The following CNTN5 variants were observed in gnomAD, a reference collection of about 807,000 sequenced individuals.
CNTN5 encodes contactin 5, also known as contactin-5.
In CNTN5, 77 loss-of-function variants were observed where a neutral mutation model predicts 129.1. That is an observed-to-expected ratio of 0.60 (90% CI 0.50 to 0.72). The LOEUF is 0.72. Among genes scored for constraint, CNTN5 ranks in the 30% least tolerant of loss-of-function variants. The pLI is 0.00. For missense variants in CNTN5, 1,478 were observed against 1,328.8 expected, an observed-to-expected ratio of 1.11 and a Z score of -1.75; for synonymous variants, 509 against 465.6, an observed-to-expected ratio of 1.09 and a Z score of -1.20.
intron 2 of CNTN5, among the ~76,000 whole-genome samples, chr11:99,507,498 G>T (rs1371291224): frequency 6.6e-6 from 1 of 150,934 alleles, no homozygotes; most frequent in East Asian, 1.9e-4. Flanking sequence ...TTTGAATTGT[G>T]ACCTGTTAAA....
intron 6 of CNTN5, among the ~76,000 whole-genome samples, chr11:99,896,467 A>G (rs1949209478): frequency 6.6e-6 from 1 of 152,112 alleles, no homozygotes; most frequent in African/African-American, 2.4e-5. Context: ...TAGCTGAGAT[A>G]CAGAGGAGTA....
chr11:99,567,754 G>A (rs1330403514), intron 3 of CNTN5, among the ~76,000 whole-genome samples: 4 of 152,126 alleles, frequency 2.6e-5, no homozygotes, highest in Non-Finnish European at 5.9e-5. Flanking sequence ...GATGATAATG[G>A]AGACTACCTC....
At chr11:100,308,913 T>C (rs1373119123) in intron 21 of CNTN5, 1 of 983,088 alleles carries the variant, frequency 1.0e-6, no homozygotes, top group Non-Finnish European at 1.2e-6. Flanking sequence ...TATCTATGTA[T>C]TCAGATAGTT....
At chr11:100,280,414 CCTTTAT>C (rs1272748311) in intron 18 of CNTN5, among the ~76,000 whole-genome samples, 2 of 151,862 alleles carry the variant, frequency 1.3e-5, no homozygotes, top group African/African-American at 2.4e-5. Flanking sequence ...TGAATTCACC[CCTTTAT>C]CTTTATATGG....
intron 13 of CNTN5, among the ~76,000 whole-genome samples, chr11:100,087,570 AC>A (rs1344087395): frequency 6.6e-6 from 1 of 151,960 alleles, no homozygotes; most frequent in Non-Finnish European, 1.5e-5. Flanking sequence ...GTTCAATTCA[AC>A]AAGAAGACTT....
chr11:99,331,036 A>G (rs952462995), intron 2 of CNTN5, among the ~76,000 whole-genome samples: 6 of 152,028 alleles, frequency 3.9e-5, no homozygotes, highest in Non-Finnish European at 7.4e-5. Flanking sequence ...ATAAAAATGG[A>G]GAGATATATT....
chr11:99,946,765 T>C (rs191353755), intron 7 of CNTN5, among the ~76,000 whole-genome samples: 322 of 150,876 alleles, frequency 2.1e-3, no homozygotes, highest in South Asian at 0.01. Context: ...TTCCAAGATA[T>C]ACTTTCTTTT....
At chr11:99,915,466 G>A (rs752898667) in intron 6 of CNTN5, among the ~76,000 whole-genome samples, 1 of 152,086 alleles carries the variant, frequency 6.6e-6, no homozygotes, top group East Asian at 1.9e-4. Context: ...AAATGGATGA[G>A]AGTAGTTAAT....
intron 3 of CNTN5, among the ~76,000 whole-genome samples, chr11:99,655,590 C>T (rs141873571): frequency 2.5e-4 from 38 of 152,212 alleles, no homozygotes; most frequent in African/African-American, 8.7e-4. Context: ...GTAAATTACT[C>T]CCTTGAACTG....
chr11:100,108,418 C>T lies in CNTN5; in HGVS notation c.1580+34124C>T, dbSNP rs569626759. Among the ~76,000 whole-genome samples, 6 of 151,966 alleles carry T rather than the reference C, an allele frequency of 3.9e-5. No homozygotes were observed. The East Asian group carries it at 9.7e-4, about 25-fold the overall frequency. ...GATGTATGGTAGGAAAGGTGGATGG[C>T]GTGGGGAAGGAAAAGAAAGGGTCAA... On this transcript the variant is annotated intron_variant, in intron 13 of 24. Transcript: ENST00000524871.
At chr11:99,439,893 T>C (rs565892028) in intron 2 of CNTN5, among the ~76,000 whole-genome samples, 8 of 152,196 alleles carry the variant, frequency 5.3e-5, no homozygotes, top group Admixed American at 5.2e-4. Flanking sequence ...GGAAATAGTA[T>C]TTAAAATATA....
intron 9 of CNTN5, among the ~76,000 whole-genome samples, chr11:100,034,816 G>T (rs899057019): frequency 6.6e-6 from 1 of 152,080 alleles, no homozygotes; most frequent in Non-Finnish European, 1.5e-5. Flanking sequence ...TCATTCACCT[G>T]CTTAAAACAC....
intron 9 of CNTN5, among the ~76,000 whole-genome samples, chr11:100,029,310 C>A (rs549059844): frequency 6.6e-6 from 1 of 151,840 alleles, no homozygotes; most frequent in African/African-American, 2.4e-5. Context: ...TGGCCGGGCG[C>A]GGTGGCTCAC....
At chr11:99,032,542 T>C (rs993480988) in intron 1 of CNTN5, among the ~76,000 whole-genome samples, 4 of 152,000 alleles carry the variant, frequency 2.6e-5, no homozygotes, top group Non-Finnish European at 4.4e-5. Context: ...TTTTCATGTG[T>C]TTTTTGGCTG....
At chr11:99,675,216 C>T (rs1170359068) in intron 3 of CNTN5, among the ~76,000 whole-genome samples, 1 of 152,078 alleles carries the variant, frequency 6.6e-6, no homozygotes, top group Non-Finnish European at 1.5e-5. Context: ...AGGATAGTCA[C>T]TTTAATAGAG....
chr11:99,830,135 C>T (rs951009101), intron 4 of CNTN5, among the ~76,000 whole-genome samples: 1 of 151,994 alleles, frequency 6.6e-6, no homozygotes, highest in Admixed American at 6.6e-5. Context: ...GGGCGGGGAG[C>T]ATGTTCTTCT....
chr11:99,446,949 G>A (rs979936473), intron 2 of CNTN5, among the ~76,000 whole-genome samples: 5 of 152,054 alleles, frequency 3.3e-5, no homozygotes, highest in African/African-American at 1.2e-4. Context: ...ACTTGGTCTG[G>A]CTCTTGTATT....
chr11:99,290,529 C>T (rs12419804), intron 1 of CNTN5, among the ~76,000 whole-genome samples: 21,313 of 151,762 alleles, frequency 0.14, 1,640 homozygotes, highest in South Asian at 0.25. Flanking sequence ...TTTCATTTTT[C>T]ATTCTACATT....
rs59095048 is a variant in CNTN5 at position 99,889,529 on chromosome 11, C to CT, written c.578-26507dup. On this transcript the variant is annotated intron_variant, in intron 6 of 24. Transcript: ENST00000524871. ...ATGTTGAAAAATTCCACTAGACATT[C>CT]TTTTTTTTTTTTTTTTTTCTTTTGA... is the stretch of plus-strand genomic sequence containing the variant. Among the ~76,000 whole-genome samples the CT allele has an allele frequency of 5.8e-3, 747 of 128,252 alleles. 3 individuals are homozygous for CT. Among genetic ancestry groups the CT allele is most frequent in the Middle Eastern group, 0.013 (3 of 238 alleles). 84.1% of individuals were successfully genotyped at this position (128,252 alleles called of 152,430 possible).
Sources: gnomAD v4.1 joint callset for allele counts (sites outside exome capture counted in the v4.1 genomes callset) on GRCh38, gnomAD v4.1.1 for gene constraint, MANE v1.5 for transcripts, NCBI Gene and HGNC (gene_info 2026-07-23, HGNC 2026-07-21) for gene names.